The following UBE4B variants were observed in gnomAD, a reference collection of about 807,000 sequenced individuals.
UBE4B encodes the protein ubiquitination factor E4B, also known as ubiquitin conjugation factor E4 B.
A neutral mutation model predicts 148.1 loss-of-function variants in UBE4B; 27 were observed. The ratio of observed to expected loss-of-function variants is 0.18; its 90% confidence interval spans 0.13 to 0.25. The LOEUF (loss-of-function observed/expected upper bound fraction) is 0.25. Ranked by LOEUF, UBE4B falls within the 10% of genes least tolerant of loss-of-function variation. The pLI is 1.00. For missense variants in UBE4B, 1,170 were observed against 1,662.4 expected (o/e 0.70, Z 5.15); for synonymous variants, 596 against 619.3 (o/e 0.96, Z 0.56).
At chr1:10,058,549 G>C (rs1041500894) in intron 1 of UBE4B, 1 of 153,048 alleles carries the variant, frequency 6.5e-6, no homozygotes, top group Non-Finnish European at 1.5e-5. Context: ...GGCACTAGAA[G>C]CTGGGCATGG....
At chr1:10,097,603 A>G (rs1259029773) in intron 3 of UBE4B, among the ~76,000 whole-genome samples, 1 of 152,194 alleles carries the variant, frequency 6.6e-6, no homozygotes, top group Non-Finnish European at 1.5e-5. Context: ...TGAGGTCAGG[A>G]GTTCGAGACC....
At chr1:10,126,993 A>AAGGT in intron 11 of UBE4B, 116 bp downstream of exon 11, 1 of 925,274 alleles carries the variant, frequency 1.1e-6, no homozygotes, top group Non-Finnish European at 1.7e-6. Context: ...AATTTAAAAC[A>AAGGT]TGAAATCACT....
intron 25 of UBE4B, among the ~76,000 whole-genome samples, chr1:10,175,629 C>T (rs6541079): frequency 0.032 from 4,900 of 151,346 alleles, 255 homozygotes; most frequent in African/African-American, 0.11. Context: ...CCAGCCTGGG[C>T]GACAGAGCGA....
intron 5 of UBE4B, among the ~76,000 whole-genome samples, chr1:10,105,017 A>G (rs1645082373): frequency 6.6e-6 from 1 of 152,240 alleles, no homozygotes; most frequent in Non-Finnish European, 1.5e-5. Context: ...TGGTGACTAG[A>G]TGTTGGACCC....
At chr1:10,034,299 A>G (rs1400627949) in intron 1 of UBE4B, among the ~76,000 whole-genome samples, 1 of 152,108 alleles carries the variant, frequency 6.6e-6, no homozygotes, top group Non-Finnish European at 1.5e-5. Context: ...CTTCTGTTAC[A>G]TTCTATCTTT....
At chr1:10,100,460 C>T (rs1374365588) in intron 3 of UBE4B, among the ~76,000 whole-genome samples, 5 of 152,198 alleles carry the variant, frequency 3.3e-5, no homozygotes, top group Admixed American at 6.5e-5. Context: ...CTAGGTAGCT[C>T]GGACCATAGG....
Position 10,108,249 on chromosome 1 carries a change from C to T in UBE4B, c.1196+1666C>T, listed in dbSNP as rs74224895. Among the ~76,000 whole-genome samples the T allele has an allele frequency of 2.7e-3, 403 of 147,666 alleles. 10 individuals are homozygous for T. In the East Asian group the frequency reaches 0.061, roughly 22 times the overall value. ...ATTGAGCTCAGTCTGGGCAATCCAT[C>T]GAAGAACATATGAGGTCATACCATC... On this transcript the variant is annotated intron_variant, in intron 7 of 27. Transcript: ENST00000343090.
At position 10,103,031 on chromosome 1, in the gene UBE4B, G is replaced by T; in HGVS notation, c.519G>T (p.Arg173=). Residue 173 remains arginine (R), a synonymous_variant, in exon 5 of 28, where the codon CGG becomes CGT. Transcript: ENST00000343090. ...TCTTCCGTGTCTCTTGGAAGGACCG[G>T]GACAGAGATGTCATCTTTCTTTCTT... ...CKIFRVSWKD[R]DRDVIFLSSL... is the part of the protein sequence containing the mutation. 1 of 1,613,264 alleles carries T rather than the reference G, an allele frequency of 6.2e-7. No homozygotes were observed. The highest frequency in any genetic ancestry group is 8.5e-7 in the Non-Finnish European group (1 of 1,179,740).
Position 10,033,581 on chromosome 1 carries a change from G to A in UBE4B, c.-90G>A. Reference sequence around the variant, plus strand: ...CCCCATTCGGGGGACCAGACAGCCTGATAGACACCTTCCACTCTCCTTCCT... The same window carrying A: ...CCCCATTCGGGGGACCAGACAGCCTAATAGACACCTTCCACTCTCCTTCCT... On this transcript the variant is annotated 5_prime_UTR_variant, in exon 1 of 28. Coordinates refer to ENST00000343090, the MANE Select transcript of UBE4B (RefSeq NM_001105562.3). The A allele has an allele frequency of 2.1e-6, 3 of 1,413,422 alleles. No homozygotes were observed. The highest frequency in any genetic ancestry group is 1.9e-6 in the Non-Finnish European group (2 of 1,068,982). 87.6% of individuals were successfully genotyped at this position (1,413,422 alleles called of 1,614,324 possible). A position where few individuals can be genotyped will look rare whatever the true frequency, so the allele number is the denominator to read the frequency against.
At chr1:10,090,108 G>A (rs549127576) in intron 2 of UBE4B, among the ~76,000 whole-genome samples, 1 of 150,478 alleles carries the variant, frequency 6.6e-6, no homozygotes, top group Admixed American at 6.6e-5. Flanking sequence ...TAGGAATCAG[G>A]CAGCCTGTGT....
rs1282609983 is a variant in UBE4B, at chr1:10,168,674, C to T, written c.3333+404C>T. ...TTGGGAGCCCAAGGCGGGCAGATCA[C>T]GAGGTCAGGAGATGGAGACCATCCT... On this transcript the variant is annotated intron_variant, in intron 24 of 27. Coordinates refer to ENST00000343090, the MANE Select transcript of UBE4B (RefSeq NM_001105562.3). The surrounding 1 kb of genome is among the most constrained non-coding windows in gnomAD (Gnocchi z 4.9). Among the ~76,000 whole-genome samples the T allele has an allele frequency of 3.9e-5, 6 of 152,102 alleles. No homozygotes were observed.
At chr1:10,088,952 T>C (rs1329557069) in intron 2 of UBE4B, among the ~76,000 whole-genome samples, 1 of 152,216 alleles carries the variant, frequency 6.6e-6, no homozygotes, top group Non-Finnish European at 1.5e-5. Flanking sequence ...GTGTCGGGAT[T>C]ACAGGCGTGA....
At chr1:10,136,580 T>A (rs1314281293) in intron 16 of UBE4B, among the ~76,000 whole-genome samples, 1 of 152,018 alleles carries the variant, frequency 6.6e-6, no homozygotes, top group Non-Finnish European at 1.5e-5. Context: ...TAACAGGAAT[T>A]CTCTTCTTCT....
chr1:10,152,416 G>C (rs929387424), intron 21 of UBE4B, among the ~76,000 whole-genome samples: 2 of 152,040 alleles, frequency 1.3e-5, no homozygotes, highest in Non-Finnish European at 2.9e-5. Context: ...CCAGTGTGCA[G>C]ATTTAGTGCT....
At chr1:10,048,051 G>A (rs1325066550) in intron 1 of UBE4B, among the ~76,000 whole-genome samples, 6 of 152,016 alleles carry the variant, frequency 3.9e-5, no homozygotes, top group African/African-American at 9.7e-5. Context: ...GTCTCCCTGT[G>A]TTGCCTAGGC....
At chr1:10,096,594 C>T (rs1033562643) in intron 3 of UBE4B, among the ~76,000 whole-genome samples, 5 of 152,016 alleles carry the variant, frequency 3.3e-5, no homozygotes, top group Non-Finnish European at 7.4e-5. Flanking sequence ...TGGTGGCAGG[C>T]GCCTGTAATC....
intron 10 of UBE4B, among the ~76,000 whole-genome samples, chr1:10,123,891 A>T (rs1414994094): frequency 6.6e-6 from 1 of 152,070 alleles, no homozygotes; most frequent in African/African-American, 2.4e-5. Flanking sequence ...CTCCTGCCTT[A>T]GCCTCCCAAG....
intron 5 of UBE4B, 115 bp downstream of exon 5, chr1:10,103,207 G>A: frequency 9.3e-7 from 1 of 1,075,294 alleles, no homozygotes; most frequent in Non-Finnish European, 1.3e-6. Context: ...TTGTATTTTT[G>A]ATGACAGGGA....
chr1:10,037,513 C>T lies in UBE4B; in HGVS notation c.24+3819C>T, dbSNP rs79583882. ...ATTTACATTATATTAATTCTATAAT[C>T]TACTCATGTGTTGTTTTTCGTATCT... is the stretch of plus-strand genomic sequence containing the variant. On this transcript the variant is annotated intron_variant, in intron 1 of 27. Coordinates refer to ENST00000343090, the MANE Select transcript of UBE4B (RefSeq NM_001105562.3). Among the ~76,000 whole-genome samples the T allele has an allele frequency of 3.3e-3, 498 of 152,246 alleles. 3 individuals are homozygous for T. The highest frequency in any genetic ancestry group is 0.01 in the Middle Eastern group (3 of 294).
Sources: allele counts gnomAD v4.1 joint callset (sites outside exome capture counted in the v4.1 genomes callset), GRCh38; gene constraint gnomAD v4.1.1; non-coding constraint Gnocchi (gnomAD v3.1); transcripts MANE v1.5; gene names NCBI Gene and HGNC (gene_info 2026-07-23, HGNC 2026-07-21).